NRDE2: variants seen among roughly 807,000 people sequenced by gnomAD.
NRDE2 encodes nuclear exosome regulator NRDE2.
NRDE2 carries 76 observed loss-of-function variants against 124.2 expected under a neutral mutation model. That is an observed-to-expected ratio of 0.61 (90% CI 0.51 to 0.74). The LOEUF (loss-of-function observed/expected upper bound fraction) is 0.74. Among genes scored for constraint, NRDE2 ranks in the 30% least tolerant of loss-of-function variants. The pLI, the probability that NRDE2 is intolerant of heterozygous loss-of-function variation, is 0.00. For synonymous variants in NRDE2, 489 were observed against 528.1 expected (o/e 0.93, Z 1.01); for missense variants, 1,314 against 1,417.3 (o/e 0.93, Z 1.17).
At chr14:90,297,155 A>G (rs969289015) in intron 8 of NRDE2, among the ~76,000 whole-genome samples, 4 of 151,902 alleles carry the variant, frequency 2.6e-5, no homozygotes, top group African/African-American at 9.7e-5. Flanking sequence ...AAAAAAAAGA[A>G]AAAAAAGAAA....
intron 4 of NRDE2, 29 bp downstream of exon 4, chr14:90,312,365 T>C (rs375806457): frequency 1.2e-6 from 2 of 1,611,722 alleles, no homozygotes; most frequent in Non-Finnish European, 1.7e-6. Flanking sequence ...TTTCCTACAG[T>C]GAAAACTGGG....
rs1311816614 is a variant in NRDE2, at chr14:90,275,918, G to A, written c.*2418C>T. The A allele has an allele frequency of 9.2e-5, 14 of 152,224 alleles. No homozygotes were observed. Among genetic ancestry groups the A allele is most frequent in the Non-Finnish European group, 2.1e-4 (14 of 68,070 alleles). 9.4% of individuals were successfully genotyped at this position (152,224 alleles called of 1,614,324 possible). A position where few individuals can be genotyped will look rare whatever the true frequency, so the allele number is the denominator to read the frequency against. ...CAAGTAGTAGCTGCCTCCTCCTACTGGGAACACAGCACAGAGGTGCCTCCT... is the reference window on the plus strand; with the variant it reads ...CAAGTAGTAGCTGCCTCCTCCTACTAGGAACACAGCACAGAGGTGCCTCCT... On this transcript the variant is annotated 3_prime_UTR_variant, in exon 14 of 14. Coordinates refer to ENST00000354366, the MANE Select transcript of NRDE2 (RefSeq NM_017970.4).
intron 3 of NRDE2, among the ~76,000 whole-genome samples, chr14:90,314,716 C>T (rs1256709563): frequency 6.6e-6 from 1 of 152,166 alleles, no homozygotes; most frequent in African/African-American, 2.4e-5. Context: ...TTCATTCATT[C>T]ATGTAACAAA....
chr14:90,268,497 C>T lies in NRDE2; in HGVS notation c.*9839G>A, dbSNP rs1168404791. ...CTTGAGAATGAGCAATCTCAGGGGG[C>T]TCTCCCTATGGCCACAGTTCTTGCT... On this transcript the variant is annotated 3_prime_UTR_variant, in exon 14 of 14. Transcript: ENST00000354366. The T allele has an allele frequency of 6.7e-6, 9 of 1,346,060 alleles. No individual in the cohort carries two copies. Among genetic ancestry groups the T allele is most frequent in the African/African-American group, 1.4e-5 (1 of 69,104 alleles). The allele number at this position is 1,346,060 out of a possible 1,614,324, so 83.4% of individuals were successfully genotyped here.
chr14:90,288,780 C>G lies in NRDE2; in HGVS notation c.2595G>C (p.Gln865His), dbSNP rs1177558004. Reference sequence around the variant, plus strand: ...CTTTCAAAATGTGAACAGCCAACACCTGTCCAGTGTAGGGCCCATAGGGGC... The same window carrying G: ...CTTTCAAAATGTGAACAGCCAACACGTGTCCAGTGTAGGGCCCATAGGGGC... ...ESSPYGPYTG[Q>H]VLAVHILKAR... is the part of the protein sequence containing the mutation. The change falls in exon 11 of 14, where the codon CAG becomes CAC. Residue 865 changes from glutamine to histidine, a missense_variant. Transcript: ENST00000354366. 6.2e-7 allele frequency: 1 copy of G among 1,614,148 alleles called. No homozygotes were observed. The highest frequency in any genetic ancestry group is 1.1e-5 in the South Asian group (1 of 91,086).
At position 90,269,119 on chromosome 14, in the gene NRDE2, A is replaced by G. The variant is rs1181978995; in HGVS notation, c.*9217T>C. 1 of 374,420 alleles carries G rather than the reference A, an allele frequency of 2.7e-6. No individual in the cohort carries two copies. The highest frequency in any genetic ancestry group is 4.8e-6 in the Non-Finnish European group (1 of 207,032). The allele number at this position is 374,420 out of a possible 1,614,324, so 23.2% of individuals were successfully genotyped here. On this transcript the variant is annotated 3_prime_UTR_variant, in exon 14 of 14. Transcript: ENST00000354366. The stretch of plus-strand genomic sequence containing the variant: ...TCTTTTTAGAAGGAACTCATGCTGT[A>G]TAAGGCTCTGCCTCATGCCTTTAGC...
intron 4 of NRDE2, among the ~76,000 whole-genome samples, chr14:90,309,544 A>G (rs768407087): frequency 2.6e-5 from 4 of 151,900 alleles, no homozygotes; most frequent in Non-Finnish European, 4.4e-5. Flanking sequence ...TCACGCCTCA[A>G]TGCACTTTCC....
chr14:90,288,246 C>T lies in NRDE2; in HGVS notation c.3129G>A (p.Leu1043=), dbSNP rs761822772. The T allele has an allele frequency of 1.7e-5, 28 of 1,613,992 alleles. No individual in the cohort carries two copies. In the Admixed American group the frequency reaches 4.7e-4, roughly 27 times the overall value. Residue 1043 remains leucine, a synonymous_variant, in exon 11 of 14, where the codon CTG becomes CTA. Transcript: ENST00000354366. ...GGACAGTTTCCACCAGTCTCTTCCT[C>T]AGTTTCTCAGCTTCAATTGCAAACA... ...PWLFAIEAEK[L]RKRLVETVQR...
intron 1 of NRDE2, among the ~76,000 whole-genome samples, chr14:90,330,699 G>C (rs1438718297): frequency 6.6e-6 from 1 of 151,702 alleles, no homozygotes; most frequent in Non-Finnish European, 1.5e-5. Context: ...AGTAGTTCCA[G>C]CTATTCATGA....
intron 3 of NRDE2, among the ~76,000 whole-genome samples, chr14:90,314,218 T>C (rs1884958243): frequency 6.6e-6 from 1 of 152,194 alleles, no homozygotes; most frequent in Non-Finnish European, 1.5e-5. Flanking sequence ...GGGAAGTCAT[T>C]TGTCATCACC....
At chr14:90,279,303 A>G (rs957645023) in intron 12 of NRDE2, 170 bp from the exon 13 acceptor site, 2 of 604,998 alleles carry the variant, frequency 3.3e-6, no homozygotes, top group African/African-American at 3.7e-5. Context: ...GCCAGGGAGC[A>G]CTCTCAGAAG....
chr14:90,267,908 C>A lies in NRDE2; in HGVS notation c.*10428G>T. The A allele has an allele frequency of 4.2e-6, 1 of 237,356 alleles. No individual in the cohort carries two copies. The highest frequency in any genetic ancestry group is 9.6e-5 in the East Asian group (1 of 10,410). 14.7% of individuals were successfully genotyped at this position (237,356 alleles called of 1,614,324 possible). A position where few individuals can be genotyped will look rare whatever the true frequency, so the allele number is the denominator to read the frequency against. ...TACTGGAATGAAGCAATTCTTCGTA[C>A]AGGTAATTATAGTTCGCAGCTTTTC... On this transcript the variant is annotated 3_prime_UTR_variant, in exon 14 of 14. Transcript: ENST00000354366.
At position 90,269,513 on chromosome 14, in the gene NRDE2, G is replaced by A. The variant is rs1449614028; in HGVS notation, c.*8823C>T. 2 of 1,613,856 alleles carry A rather than the reference G, an allele frequency of 1.2e-6. No individual in the cohort carries two copies. Among genetic ancestry groups the A allele is most frequent in the Non-Finnish European group, 8.5e-7 (1 of 1,179,950 alleles). ...GTGAAAGTTATCATGGCCACAAACC[G>A]AATAGAAACTTTGGATCCAGCACTT... On this transcript the variant is annotated 3_prime_UTR_variant, in exon 14 of 14. Transcript: ENST00000354366.
At chr14:90,317,359 T>C (rs982591833) in intron 2 of NRDE2, among the ~76,000 whole-genome samples, 12 of 152,248 alleles carry the variant, frequency 7.9e-5, no homozygotes, top group African/African-American at 2.9e-4. Flanking sequence ...AAACATTTAA[T>C]TGTGGTCCTT....
chr14:90,287,388 C>T (rs569083936), intron 11 of NRDE2, among the ~76,000 whole-genome samples: 15 of 152,054 alleles, frequency 9.9e-5, no homozygotes, highest in South Asian at 2.1e-4. Flanking sequence ...AAGGCTGAGA[C>T]GGGTAGATCG....
rs371387377 is a variant in NRDE2, at chr14:90,298,385, T to A, written c.1546-5A>T. ...AAAGGGTTCAAAGAATTCCACCTGTTCAGATTTTAGAATGGACGTTAGACC... is the reference window on the plus strand; with the variant it reads ...AAAGGGTTCAAAGAATTCCACCTGTACAGATTTTAGAATGGACGTTAGACC... On this transcript the variant is annotated splice_polypyrimidine_tract_variant and splice_region_variant and intron_variant, in intron 7 of 13. Transcript: ENST00000354366. The A allele has an allele frequency of 1.5e-5, 24 of 1,613,632 alleles. No individual in the cohort carries two copies. In the African/African-American group the frequency reaches 2.8e-4, roughly 19 times the overall value.
intron 1 of NRDE2, among the ~76,000 whole-genome samples, chr14:90,330,972 G>A (rs1297564387): frequency 4.0e-5 from 6 of 151,770 alleles, no homozygotes; most frequent in African/African-American, 1.2e-4. Flanking sequence ...CCCACCCCAG[G>A]GCAGGATGCA....
Position 90,288,958 on chromosome 14 carries a change from G to C in NRDE2, c.2417C>G (p.Ala806Gly). 1 of 1,612,344 alleles carries C rather than the reference G, an allele frequency of 6.2e-7. No individual in the cohort carries two copies. The highest frequency in any genetic ancestry group is 8.5e-7 in the Non-Finnish European group (1 of 1,178,466). ...TEDARKVFDT[A>G]LGMAGSRELK... ...TTCTCTGCTTCCTGCCATGCCAAGT[G>C]CTGTGTCAAAAACTTTTCTGGCATC... The change falls in exon 11 of 14, where the codon GCA becomes GGA. Residue 806 changes from alanine (A) to glycine (G), a missense_variant. Physicochemically the swap from Ala to Gly is moderately conservative, Grantham distance 60. Transcript: ENST00000354366.
Position 90,275,418 on chromosome 14 carries a change from C to A in NRDE2, c.*2918G>T, listed in dbSNP as rs1228238255. 1 of 152,056 alleles carries A rather than the reference C, an allele frequency of 6.6e-6. No individual in the cohort carries two copies. Among genetic ancestry groups the A allele is most frequent in the Non-Finnish European group, 1.5e-5 (1 of 67,994 alleles). The allele number at this position is 152,056 out of a possible 1,614,324, so 9.4% of individuals were successfully genotyped here. ...TTCCTAAGTTTGAGATTAAAAAAAA[C>A]AAAAAACCCCAGCACATCAGTATTG... On this transcript the variant is annotated 3_prime_UTR_variant, in exon 14 of 14. Transcript: ENST00000354366.
Sources: allele counts gnomAD v4.1 joint callset (sites outside exome capture counted in the v4.1 genomes callset), GRCh38; gene constraint gnomAD v4.1.1; transcripts MANE v1.5; gene names NCBI Gene and HGNC (gene_info 2026-07-23, HGNC 2026-07-21).